SLC8A1: variants seen among roughly 807,000 people sequenced by gnomAD.
SLC8A1 encodes the protein sodium/calcium exchanger 1.
A neutral mutation model predicts 68.3 loss-of-function variants in SLC8A1; 18 were observed. The observed-to-expected ratio is 0.26, with a 90% confidence interval of 0.18 to 0.39. SLC8A1 has a LOEUF of 0.39. Among genes scored for constraint, SLC8A1 ranks in the 10% least tolerant of loss-of-function variants. SLC8A1 has a pLI of 1.00. For missense variants in SLC8A1, 985 were observed against 1,156.7 expected (o/e 0.85, Z 2.15); for synonymous variants, 475 against 415.5 (o/e 1.14, Z -1.74).
At chr2:40,390,034 C>A (rs928505527) in intron 2 of SLC8A1, among the ~76,000 whole-genome samples, 9 of 151,842 alleles carry the variant, frequency 5.9e-5, no homozygotes, top group African/African-American at 1.9e-4. Context: ...CTTCCTTTTT[C>A]TAATGGCTGT....
chr2:40,145,522 C>G (rs2042296270), intron 6 of SLC8A1, among the ~76,000 whole-genome samples: 1 of 152,178 alleles, frequency 6.6e-6, no homozygotes, highest in Non-Finnish European at 1.5e-5. Flanking sequence ...AGTAGGCTTT[C>G]TCCTCCAGAA....
chr2:40,160,953 T>A (rs947009354), intron 5 of SLC8A1, 89 bp from the exon 9 acceptor site: 4 of 880,214 alleles, frequency 4.5e-6, no homozygotes, highest in Admixed American at 2.0e-5. Context: ...ACTCCAGAGT[T>A]ATATAAAGGG....
intron 2 of SLC8A1, among the ~76,000 whole-genome samples, chr2:40,229,737 A>G (rs1003487550): frequency 1.3e-5 from 2 of 152,202 alleles, no homozygotes; most frequent in East Asian, 3.9e-4. Context: ...GGAACTAGCC[A>G]GGCAAAATTC....
At chr2:40,395,231 C>T (rs145381168) in intron 2 of SLC8A1, among the ~76,000 whole-genome samples, 74 of 152,254 alleles carry the variant, frequency 4.9e-4, no homozygotes, top group African/African-American at 1.7e-3. Flanking sequence ...AAACCAACAT[C>T]AACAGTTTCA....
chr2:40,297,929 G>C (rs1452811499), intron 2 of SLC8A1, among the ~76,000 whole-genome samples: 26 of 152,112 alleles, frequency 1.7e-4, no homozygotes, highest in Non-Finnish European at 1.8e-4. Context: ...GCCCAGGCTG[G>C]AGTGCAGTGG....
At chr2:40,453,988 G>GTTAAAT (rs1702837559), upstream of SLC8A1, among the ~76,000 whole-genome samples, 1 of 152,154 alleles carries the variant, frequency 6.6e-6, no homozygotes, top group East Asian at 1.9e-4. Context: ...AATTTTCTTG[G>GTTAAAT]AAGCTACTTT....
At position 40,170,236 on chromosome 2, in the gene SLC8A1, A is replaced by C. The variant is rs747600386; in HGVS notation, c.1930+4589T>G. 15 of 1,547,468 alleles carry C rather than the reference A, an allele frequency of 9.7e-6. No individual in the cohort carries two copies. In the African/African-American group the frequency reaches 1.6e-4, roughly 17 times the overall value. On this transcript the variant is annotated intron_variant, in intron 4 of 7. Coordinates refer to ENST00000406785, the Ensembl canonical transcript of SLC8A1. ...ACTGTAATGTCTCTAACATTAAAGA[A>C]CTCTGGGAGGCTGTGGTTTTCAAGG...
chr2:40,193,745 T>C (rs35774927), intron 2 of SLC8A1, among the ~76,000 whole-genome samples: 2,944 of 152,142 alleles, frequency 0.019, 57 homozygotes, highest in African/African-American at 0.046. Flanking sequence ...AAAGCTTGTA[T>C]TGTAGTGAAG....
At chr2:40,241,930 A>G (rs1430855320) in intron 2 of SLC8A1, among the ~76,000 whole-genome samples, 1 of 152,230 alleles carries the variant, frequency 6.6e-6, no homozygotes, top group Non-Finnish European at 1.5e-5. Context: ...ATACTGGGAT[A>G]AAATATAGAA....
At chr2:40,210,956 A>T (rs762037804) in intron 2 of SLC8A1, among the ~76,000 whole-genome samples, 6 of 152,242 alleles carry the variant, frequency 3.9e-5, no homozygotes, top group Non-Finnish European at 7.3e-5. Flanking sequence ...TAACTTACAC[A>T]GGACATAGTC....
chr2:40,342,595 C>T (rs141822525), intron 2 of SLC8A1, among the ~76,000 whole-genome samples: 199 of 152,206 alleles, frequency 1.3e-3, no homozygotes, highest in African/African-American at 4.5e-3. Context: ...CTTTCTATTT[C>T]CCCCAGGGGG....
intron 2 of SLC8A1, among the ~76,000 whole-genome samples, chr2:40,229,963 G>T (rs1056335314): frequency 6.6e-6 from 1 of 152,042 alleles, no homozygotes; most frequent in African/African-American, 2.4e-5. Context: ...TGTTGTTATT[G>T]TTCTATGAAA....
intron 2 of SLC8A1, among the ~76,000 whole-genome samples, chr2:40,408,426 G>A (rs1691055900): frequency 6.6e-6 from 1 of 152,174 alleles, no homozygotes; most frequent in South Asian, 2.1e-4. Flanking sequence ...GAAGCACTAA[G>A]TGAAGAGATT....
At chr2:40,483,039 C>G (rs868533265) in intron 1 of SLC8A1, among the ~76,000 whole-genome samples, 15 of 150,756 alleles carry the variant, frequency 9.9e-5, no homozygotes, top group Non-Finnish European at 1.8e-4. Flanking sequence ...CTCCTCACCT[C>G]GTGATCCGCC....
At chr2:40,175,102 T>A (rs56231986) in intron 3 of SLC8A1, among the ~76,000 whole-genome samples, 159 bp downstream of exon 4, 1,853 of 152,236 alleles carry the variant, frequency 0.012, 6 homozygotes, top group Middle Eastern at 0.024. Context: ...AAATGCAATA[T>A]AAACTATTTG....
At chr2:40,251,882 T>G (rs1174443346) in intron 2 of SLC8A1, 1 of 152,228 alleles carries the variant, frequency 6.6e-6, no homozygotes, top group Non-Finnish European at 1.5e-5. Context: ...TCATTCAATA[T>G]ACATCGGGTA....
At chr2:40,279,898 CTT>C (rs1278598019) in intron 2 of SLC8A1, among the ~76,000 whole-genome samples, 1 of 152,158 alleles carries the variant, frequency 6.6e-6, no homozygotes, top group Non-Finnish European at 1.5e-5. Context: ...CCTACATTTT[CTT>C]TGTTTCTTTA....
At chr2:40,314,335 C>A (rs1378509628) in intron 2 of SLC8A1, among the ~76,000 whole-genome samples, 1 of 151,738 alleles carries the variant, frequency 6.6e-6, no homozygotes, top group East Asian at 1.9e-4. Flanking sequence ...GATCTATTTC[C>A]ATAGTTTATT....
intron 2 of SLC8A1, among the ~76,000 whole-genome samples, chr2:40,261,046 T>C (rs1449842407): frequency 6.6e-6 from 1 of 152,190 alleles, no homozygotes; most frequent in Non-Finnish European, 1.5e-5. Context: ...AATCTAAATA[T>C]GTTAAATGCA....
Sources: gnomAD v4.1 joint callset for allele counts (sites outside exome capture counted in the v4.1 genomes callset) on GRCh38, gnomAD v4.1.1 for gene constraint, MANE v1.5 for transcripts, NCBI Gene and HGNC (gene_info 2026-07-23, HGNC 2026-07-21) for gene names.